FUT9: variants seen among roughly 807,000 people sequenced by gnomAD.
FUT9 encodes fucosyltransferase 9, also known as 4-galactosyl-N-acetylglucosaminide 3-alpha-L-fucosyltransferase 9.
A neutral mutation model predicts 29.7 loss-of-function variants in FUT9; 15 were observed. That is an observed-to-expected ratio of 0.51 (90% CI 0.34 to 0.78). The LOEUF is 0.78. Among genes scored for constraint, FUT9 ranks in the 30% least tolerant of loss-of-function variants. FUT9 has a pLI of 0.01. For missense variants in FUT9, 319 were observed against 425.4 expected (o/e 0.75, Z 2.20); for synonymous variants, 169 against 153.7 (o/e 1.10, Z -0.74).
chr6:96,046,662 C>CT (rs141901295), intron 1 of FUT9, among the ~76,000 whole-genome samples: 5,781 of 152,248 alleles, frequency 0.038, 158 homozygotes, highest in South Asian at 0.12. Flanking sequence ...AACATACAAG[C>CT]TTTGTAAGAG....
intron 1 of FUT9, among the ~76,000 whole-genome samples, chr6:96,113,838 A>G: frequency 7.2e-6 from 1 of 139,686 alleles, no homozygotes; most frequent in East Asian, 2.3e-4. Flanking sequence ...TGGGCCACAG[A>G]GCGAGACTCC....
chr6:96,204,175 T>C lies in FUT9; in HGVS notation c.1020T>C (p.His340=). The change falls in exon 3 of 3, where the codon CAT becomes CAC. Residue 340 remains histidine, a synonymous_variant. Coordinates refer to ENST00000302103, the MANE Select transcript of FUT9 (RefSeq NM_006581.4). ...CACATGCATGTTTGGCTTGCGATCA[T>C]GTGAAAAGGCATCAAGAATATAAGT... ...WESHACLACD[H]VKRHQEYKSV... The C allele has an allele frequency of 6.7e-7, 1 of 1,489,486 alleles. No homozygotes were observed. The highest frequency in any genetic ancestry group is 1.5e-5 in the South Asian group (1 of 67,066). 92.3% of individuals were successfully genotyped at this position (1,489,486 alleles called of 1,614,324 possible). A position where few individuals can be genotyped will look rare whatever the true frequency, so the allele number is the denominator to read the frequency against.
chr6:96,147,157 A>C (rs1210373756), intron 2 of FUT9, among the ~76,000 whole-genome samples: 5 of 146,526 alleles, frequency 3.4e-5, no homozygotes, highest in Non-Finnish European at 7.5e-5. Flanking sequence ...TTTTTTTTTT[A>C]TTTTTCTTTT....
chr6:96,082,163 G>A (rs1313576208), intron 1 of FUT9, among the ~76,000 whole-genome samples: 2 of 151,416 alleles, frequency 1.3e-5, no homozygotes, highest in Non-Finnish European at 3.0e-5. Context: ...TTTATTTTAA[G>A]TAAATATATC....
chr6:96,176,447 T>A (rs1219053259), intron 2 of FUT9, among the ~76,000 whole-genome samples: 1 of 152,154 alleles, frequency 6.6e-6, no homozygotes, highest in Non-Finnish European at 1.5e-5. Flanking sequence ...CTCAACTCTG[T>A]CATTGTAGCA....
chr6:96,098,327 TCAAATA>T (rs912766464), intron 1 of FUT9, among the ~76,000 whole-genome samples: 3 of 152,094 alleles, frequency 2.0e-5, no homozygotes, highest in African/African-American at 4.8e-5. Context: ...TCCCCCAAAC[TCAAATA>T]CAGAGTTATT....
chr6:96,111,211 T>C (rs1368225151), intron 1 of FUT9, among the ~76,000 whole-genome samples: 1 of 152,140 alleles, frequency 6.6e-6, no homozygotes, highest in African/African-American at 2.4e-5. Flanking sequence ...AAACTATACA[T>C]TAAAATAATG....
At chr6:96,086,146 C>A (rs955833886) in intron 1 of FUT9, among the ~76,000 whole-genome samples, 1 of 152,170 alleles carries the variant, frequency 6.6e-6, no homozygotes, top group Admixed American at 6.5e-5. Context: ...CACATATTCA[C>A]GTTAACACTA....
intron 2 of FUT9, among the ~76,000 whole-genome samples, chr6:96,175,621 C>T (rs1484432543): frequency 1.3e-5 from 2 of 152,140 alleles, no homozygotes; most frequent in Non-Finnish European, 2.9e-5. Context: ...TTTAAAACTA[C>T]TCTGCCCTTC....
At chr6:96,085,122 G>C (rs1233502757) in intron 1 of FUT9, among the ~76,000 whole-genome samples, 1 of 152,124 alleles carries the variant, frequency 6.6e-6, no homozygotes, top group African/African-American at 2.4e-5. Context: ...AAAAGAAAAA[G>C]TGTATAAGCA....
chr6:96,124,153 C>CTTTTTTTTTTTTTTT (rs35122970), intron 2 of FUT9, among the ~76,000 whole-genome samples: 4 of 125,036 alleles, frequency 3.2e-5, no homozygotes, highest in Non-Finnish European at 5.0e-5. Flanking sequence ...TTTCTTTTTT[C>CTTTTTTTTTTTTTTT]TTTTTTTTTT....
At chr6:96,093,900 A>G (rs1269773812) in intron 1 of FUT9, among the ~76,000 whole-genome samples, 1 of 152,154 alleles carries the variant, frequency 6.6e-6, no homozygotes, top group Non-Finnish European at 1.5e-5. Flanking sequence ...ACAGCAGCAG[A>G]GTCAAAAATA....
At chr6:96,088,614 ATCAGTT>A (rs1313067320) in intron 1 of FUT9, among the ~76,000 whole-genome samples, 1 of 151,658 alleles carries the variant, frequency 6.6e-6, no homozygotes, top group African/African-American at 2.4e-5. Flanking sequence ...TTGTATTATC[ATCAGTT>A]TCACTAGTCT....
At chr6:96,070,378 C>A (rs961000651) in intron 1 of FUT9, among the ~76,000 whole-genome samples, 1 of 152,112 alleles carries the variant, frequency 6.6e-6, no homozygotes, top group African/African-American at 2.4e-5. Flanking sequence ...TTAACTATGG[C>A]AAACCATATT....
intron 2 of FUT9, among the ~76,000 whole-genome samples, chr6:96,189,351 T>C (rs1040935146): frequency 1.1e-5 from 1 of 94,674 alleles, no homozygotes; most frequent in South Asian, 5.2e-4. Context: ...TTAAGCTACA[T>C]GAAGACTTTT....
At chr6:96,126,873 A>G (rs993651765) in intron 2 of FUT9, among the ~76,000 whole-genome samples, 2 of 152,224 alleles carry the variant, frequency 1.3e-5, no homozygotes, top group Non-Finnish European at 2.9e-5. Context: ...TTAAAATGGA[A>G]ATGAGCCATC....
At chr6:96,158,195 T>C (rs1772826066) in intron 2 of FUT9, among the ~76,000 whole-genome samples, 1 of 152,038 alleles carries the variant, frequency 6.6e-6, no homozygotes, top group South Asian at 2.1e-4. Context: ...AGGGACACAC[T>C]CTCAAAGACT....
At chr6:96,180,239 A>G (rs1412915082) in intron 2 of FUT9, among the ~76,000 whole-genome samples, 1 of 152,110 alleles carries the variant, frequency 6.6e-6, no homozygotes, top group Non-Finnish European at 1.5e-5. Context: ...GGTTACTTAC[A>G]TGTATCAATT....
chr6:96,203,608 G>GT lies in FUT9; in HGVS notation c.456dup (p.Asn153Ter). The GT allele has an allele frequency of 6.2e-7, 1 of 1,613,968 alleles. No homozygotes were observed. The highest frequency in any genetic ancestry group is 1.3e-5 in the African/African-American group (1 of 75,004). On this transcript the variant is annotated frameshift_variant, in exon 3 of 3. Coordinates refer to ENST00000302103, the MANE Select transcript of FUT9 (RefSeq NM_006581.4). LOFTEE classifies it high-confidence loss of function. The stretch of plus-strand genomic sequence containing the variant: ...CCCAAAAGAGTGGCATTGAGCACTT[G>GT]TTTAACCTGACTCTGACTTACCGCC...
Sources: allele counts gnomAD v4.1 joint callset (sites outside exome capture counted in the v4.1 genomes callset), GRCh38; gene constraint gnomAD v4.1.1; transcripts MANE v1.5; gene names NCBI Gene and HGNC (gene_info 2026-07-23, HGNC 2026-07-21).